Variants in PREX1 observed in about 807,000 individuals in gnomAD.
The protein encoded by PREX1 is phosphatidylinositol 3,4,5-trisphosphate-dependent Rac exchanger 1 protein.
Under a neutral mutation model 198.3 loss-of-function variants are expected in PREX1, and 41 were observed. The observed-to-expected ratio is 0.21, with a 90% confidence interval of 0.16 to 0.27. The LOEUF (loss-of-function observed/expected upper bound fraction) is 0.27. PREX1 is among the 10% of genes least tolerant of loss of function. The probability of loss-of-function intolerance (pLI) is 1.00; values close to 1 mark genes in which losing one functional copy is unlikely to be tolerated. For synonymous variants in PREX1, 843 were observed against 887.2 expected (o/e 0.95, Z 0.89); for missense variants, 1,620 against 2,200.7 (o/e 0.74, Z 5.28).
At chr20:48,836,902 C>CA in the PREX1 span, among the ~76,000 whole-genome samples, 9,104 of 54,344 alleles carry the variant, frequency 0.17, 487 homozygotes, top group East Asian at 0.2. Flanking sequence ...ACTCTGTCTC[C>CA]AAAAAAAAAA....
intron 33 of PREX1, among the ~76,000 whole-genome samples, chr20:48,633,151 C>T (rs1218335664): frequency 1.3e-5 from 2 of 152,170 alleles, no homozygotes; most frequent in African/African-American, 2.4e-5. Context: ...CATCACTCAT[C>T]GATCAAAGCT....
At chr20:48,643,071 GA>G (rs1247965997) in intron 27 of PREX1, among the ~76,000 whole-genome samples, 1 of 152,216 alleles carries the variant, frequency 6.6e-6, no homozygotes, top group Non-Finnish European at 1.5e-5. Flanking sequence ...GGGTGGGGGG[GA>G]GACTTGTCAC....
chr20:48,690,046 G>A (rs1187959819), intron 9 of PREX1, among the ~76,000 whole-genome samples: 2 of 152,210 alleles, frequency 1.3e-5, no homozygotes, highest in African/African-American at 2.4e-5. Context: ...GCTGTGGGGC[G>A]AAGGGAGGAG....
At chr20:48,825,770 C>T (rs1320412496) in intron 1 of PREX1, among the ~76,000 whole-genome samples, 1 of 151,448 alleles carries the variant, frequency 6.6e-6, no homozygotes, top group Non-Finnish European at 1.5e-5. Context: ...TCAGGAGTTC[C>T]CTAGAATTTG....
intron 1 of PREX1, among the ~76,000 whole-genome samples, chr20:48,766,272 G>A (rs368896351): frequency 3.3e-5 from 5 of 152,088 alleles, no homozygotes; most frequent in South Asian, 4.2e-4. Context: ...CAGGAAACCC[G>A]TCCCTGGTGC....
chr20:48,688,535 T>C (rs1214350769), intron 10 of PREX1, 122 bp downstream of exon 10: 1 of 1,309,688 alleles, frequency 7.6e-7, no homozygotes, highest in Non-Finnish European at 1.1e-6. Flanking sequence ...TTCAGGTCCT[T>C]TTGTCACTCT....
At position 48,665,528 on chromosome 20, in the gene PREX1, G is replaced by A. The variant is rs889786223; in HGVS notation, c.1738+755C>T. On this transcript the variant is annotated intron_variant, in intron 15 of 39. Coordinates refer to ENST00000371941, the MANE Select transcript of PREX1 (RefSeq NM_020820.4). Reference sequence around the variant, plus strand: ...CTAATCCTGGCTCCAGATGGCCTGCGTTCTAATCCCGATTTCTACTTGCCA... The same window carrying A: ...CTAATCCTGGCTCCAGATGGCCTGCATTCTAATCCCGATTTCTACTTGCCA... Among the ~76,000 whole-genome samples the A allele has an allele frequency of 7.2e-5, 11 of 152,082 alleles. No individual in the cohort carries two copies. The East Asian group carries it at 1.2e-3, about 16-fold the overall frequency.
chr20:48,651,800 C>G (rs956714740), intron 21 of PREX1, among the ~76,000 whole-genome samples: 1 of 152,228 alleles, frequency 6.6e-6, no homozygotes, highest in African/African-American at 2.4e-5. Flanking sequence ...CATCCAAGGC[C>G]TGGCCCTGAG....
intron 1 of PREX1, among the ~76,000 whole-genome samples, chr20:48,748,096 G>A (rs145253479): frequency 6.6e-6 from 1 of 152,238 alleles, no homozygotes; most frequent in African/African-American, 2.4e-5. Context: ...GGTGTGCTGT[G>A]CACCTACGAC....
rs1202013241 is a variant in PREX1 at position 48,625,567 on chromosome 20, G to A, written c.*318C>T. The A allele has an allele frequency of 6.1e-6, 2 of 327,042 alleles. No individual in the cohort carries two copies. Among genetic ancestry groups the A allele is most frequent in the African/African-American group, 2.2e-5 (1 of 46,224 alleles). The allele number at this position is 327,042 out of a possible 1,614,324, so 20.3% of individuals were successfully genotyped here. A position where few individuals can be genotyped will look rare whatever the true frequency, so the allele number is the denominator to read the frequency against. On this transcript the variant is annotated 3_prime_UTR_variant, in exon 40 of 40. Transcript: ENST00000371941. ...GGTGGCCCCATGTGGCCTCCATGAC[G>A]TTCCCTTGGGTTCTGGGGACGCAGG...
At chr20:48,824,279 G>A (rs1442665369) in intron 1 of PREX1, among the ~76,000 whole-genome samples, 2 of 152,156 alleles carry the variant, frequency 1.3e-5, no homozygotes, top group African/African-American at 4.8e-5. Context: ...GTGCAACCCA[G>A]TTCCTGAAGG....
chr20:48,668,684 G>T (rs1013187612), intron 14 of PREX1, among the ~76,000 whole-genome samples: 1 of 152,244 alleles, frequency 6.6e-6, no homozygotes, highest in African/African-American at 2.4e-5. Flanking sequence ...CACACTGCCT[G>T]CCCTGGCTGA....
At chr20:48,725,439 C>T (rs2090005411) in intron 5 of PREX1, among the ~76,000 whole-genome samples, 1 of 152,240 alleles carries the variant, frequency 6.6e-6, no homozygotes, top group African/African-American at 2.4e-5. Context: ...AAGACTTCTC[C>T]ATCCCCACAG....
Position 48,666,159 on chromosome 20 carries a change from G to A in PREX1, c.1738+124C>T. The A allele has an allele frequency of 1.1e-6, 1 of 942,532 alleles. No homozygotes were observed. Among genetic ancestry groups the A allele is most frequent in the South Asian group, 1.5e-5 (1 of 65,430 alleles). 58.4% of individuals were successfully genotyped at this position (942,532 alleles called of 1,614,324 possible). A position where few individuals can be genotyped will look rare whatever the true frequency, so the allele number is the denominator to read the frequency against. ...AAGGGGAGGGAGGTGGGATTCGTGA[G>A]CCTCCCCAAACCCCCGGGGGTCTAG... is the stretch of plus-strand genomic sequence containing the variant. On this transcript the variant is annotated intron_variant, in intron 15 of 39. Transcript: ENST00000371941. The surrounding 1 kb of genome is among the most constrained non-coding windows in gnomAD (Gnocchi z 4.3).
intron 5 of PREX1, among the ~76,000 whole-genome samples, chr20:48,710,708 G>A (rs975995688): frequency 6.6e-6 from 1 of 152,246 alleles, no homozygotes; most frequent in Non-Finnish European, 1.5e-5. Context: ...AATGAGTGAG[G>A]GAAGTGCCGT....
At chr20:48,800,293 C>T (rs922406716) in intron 1 of PREX1, among the ~76,000 whole-genome samples, 1 of 152,070 alleles carries the variant, frequency 6.6e-6, no homozygotes, top group African/African-American at 2.4e-5. Flanking sequence ...TTGATAAGCC[C>T]CTTATCAGTA....
intron 1 of PREX1, among the ~76,000 whole-genome samples, chr20:48,776,130 G>A (rs561863821): frequency 1.7e-4 from 26 of 152,218 alleles, no homozygotes; most frequent in African/African-American, 5.8e-4. Context: ...GGCCCAGCTG[G>A]AGACTCCCCT....
Position 48,818,166 on chromosome 20 carries a change from G to A in PREX1, c.219+9476C>T, listed in dbSNP as rs146394686. On this transcript the variant is annotated intron_variant, in intron 1 of 39. Coordinates refer to ENST00000371941, the MANE Select transcript of PREX1 (RefSeq NM_020820.4). ...GCCCTGAGGCAGGTGCGTGCTTGGT[G>A]CATTTGAGAAAAGGCAAATGCGCTT... Among the ~76,000 whole-genome samples, 502 of 152,316 alleles carry A rather than the reference G, an allele frequency of 3.3e-3. 1 individual carries two copies. Among genetic ancestry groups the A allele is most frequent in the African/African-American group, 0.012 (485 of 41,576 alleles).
intron 6 of PREX1, among the ~76,000 whole-genome samples, chr20:48,704,022 C>T (rs911684786): frequency 5.3e-5 from 8 of 152,224 alleles, no homozygotes; most frequent in African/African-American, 1.9e-4. Flanking sequence ...CAAAACCTTA[C>T]ACACTCAAAG....
Sources: allele counts gnomAD v4.1 joint callset (sites outside exome capture counted in the v4.1 genomes callset), GRCh38; gene constraint gnomAD v4.1.1; non-coding constraint Gnocchi (gnomAD v3.1); transcripts MANE v1.5; gene names NCBI Gene and HGNC (gene_info 2026-07-23, HGNC 2026-07-21).